The following MACROD2 variants were observed in gnomAD, a reference collection of about 807,000 sequenced individuals.
The protein encoded by MACROD2 is ADP-ribose glycohydrolase MACROD2.
A neutral mutation model predicts 70.4 loss-of-function variants in MACROD2; 36 were observed. The observed-to-expected ratio is 0.51, with a 90% CI of 0.39 to 0.68. The LOEUF (loss-of-function observed/expected upper bound fraction) is 0.68, where lower values mean the gene tolerates loss of function less well. MACROD2 is among the 30% of genes least tolerant of loss of function. The probability of loss-of-function intolerance (pLI) is 0.00; values close to 1 mark genes in which losing one functional copy is unlikely to be tolerated. For synonymous variants in MACROD2, 172 were observed against 178.8 expected, an observed-to-expected ratio of 0.96 and a Z score of 0.30; for missense variants, 496 against 538.4, an observed-to-expected ratio of 0.92 and a Z score of 0.78.
intron 5 of MACROD2, among the ~76,000 whole-genome samples, chr20:15,099,820 A>T (rs949124588): frequency 3.9e-5 from 6 of 152,180 alleles, no homozygotes; most frequent in African/African-American, 1.4e-4. Flanking sequence ...TGCAGAATAC[A>T]TAAATAATCA....
chr20:14,481,845 A>C lies in MACROD2; in HGVS notation c.272-11634A>C, dbSNP rs186866533. 2.1e-4 allele frequency among the ~76,000 whole-genome samples: 32 copies of C among 152,340 alleles called. No individual in the cohort carries two copies. The East Asian group carries it at 6.2e-3, about 29-fold the overall frequency. ...ATTCCCAATTTGCAAGATTATTTGG[A>C]GGATTAAGATATCATAAAGATCAAA... On this transcript the variant is annotated intron_variant, in intron 3 of 17. Coordinates refer to ENST00000684519, the MANE Select transcript of MACROD2 (RefSeq NM_001351661.2).
intron 5 of MACROD2, among the ~76,000 whole-genome samples, chr20:14,910,386 GTGCAAGGAAAACAC>G (rs1369236434): frequency 1.3e-5 from 2 of 152,152 alleles, no homozygotes; most frequent in Non-Finnish European, 2.9e-5. Flanking sequence ...TAATTAATGT[GTGCAAGGAAAACAC>G]TGCAAGGAAA....
At chr20:15,046,347 A>T (rs1345394093) in intron 5 of MACROD2, among the ~76,000 whole-genome samples, 1 of 152,176 alleles carries the variant, frequency 6.6e-6, no homozygotes, top group African/African-American at 2.4e-5. Context: ...GTTTTGCAAA[A>T]AGAATGGTCC....
chr20:14,599,865 G>A (rs1398246693), intron 4 of MACROD2, among the ~76,000 whole-genome samples: 1 of 152,136 alleles, frequency 6.6e-6, no homozygotes, highest in Non-Finnish European at 1.5e-5. Context: ...ATTTCAGGAT[G>A]AGCTGAGGTT....
chr20:14,912,473 T>C (rs1408656710), intron 5 of MACROD2, among the ~76,000 whole-genome samples: 1 of 152,180 alleles, frequency 6.6e-6, no homozygotes, highest in Non-Finnish European at 1.5e-5. Context: ...AAGGAAACTT[T>C]GTCAAGTTTC....
At chr20:14,788,587 A>G (rs900939786) in intron 5 of MACROD2, among the ~76,000 whole-genome samples, 3 of 151,294 alleles carry the variant, frequency 2.0e-5, no homozygotes, top group Non-Finnish European at 4.4e-5. Flanking sequence ...TCTCAAAAAA[A>G]AAAAAAAAAA....
intron 5 of MACROD2, among the ~76,000 whole-genome samples, chr20:15,027,985 C>A (rs999153143): frequency 6.6e-6 from 1 of 152,126 alleles, no homozygotes; most frequent in Non-Finnish European, 1.5e-5. Flanking sequence ...GGAAAATGGA[C>A]CTTAGCTTTA....
At chr20:14,993,495 T>A (rs926802221) in intron 5 of MACROD2, among the ~76,000 whole-genome samples, 3 of 152,236 alleles carry the variant, frequency 2.0e-5, no homozygotes, top group African/African-American at 4.8e-5. Flanking sequence ...TCCAAAAAAA[T>A]TGCCTCACAA....
At chr20:14,141,275 C>T (rs990822529) in intron 3 of MACROD2, among the ~76,000 whole-genome samples, 2 of 152,324 alleles carry the variant, frequency 1.3e-5, no homozygotes. Context: ...AAAATAGGAA[C>T]AGATGGGTAA....
At chr20:15,712,382 G>T (rs1237912009) in intron 8 of MACROD2, among the ~76,000 whole-genome samples, 1 of 152,124 alleles carries the variant, frequency 6.6e-6, no homozygotes, top group Non-Finnish European at 1.5e-5. Context: ...GGAACTTCTG[G>T]CCCAGCTGGT....
chr20:14,988,310 G>A (rs1425407313), intron 5 of MACROD2, among the ~76,000 whole-genome samples: 2 of 136,310 alleles, frequency 1.5e-5, no homozygotes, highest in Admixed American at 7.8e-5. Flanking sequence ...GCTACAGTGA[G>A]TAGAGATTGT....
intron 3 of MACROD2, among the ~76,000 whole-genome samples, chr20:14,434,341 C>G (rs1177640016): frequency 6.6e-6 from 1 of 152,118 alleles, no homozygotes; most frequent in Non-Finnish European, 1.5e-5. Context: ...ATAGTTATGG[C>G]TTTCTACCAT....
At chr20:15,525,425 T>C (rs2047708978) in intron 8 of MACROD2, among the ~76,000 whole-genome samples, 1 of 152,190 alleles carries the variant, frequency 6.6e-6, no homozygotes, top group Admixed American at 6.5e-5. Flanking sequence ...ATGTCCAGTG[T>C]AGGCAAAACA....
intron 8 of MACROD2, among the ~76,000 whole-genome samples, chr20:15,812,924 G>A: frequency 6.6e-6 from 1 of 152,180 alleles, no homozygotes; most frequent in Admixed American, 6.6e-5. Flanking sequence ...ATACAATAGA[G>A]AAATGACATA....
chr20:14,582,872 G>A (rs1338901005), intron 4 of MACROD2, among the ~76,000 whole-genome samples: 1 of 152,144 alleles, frequency 6.6e-6, no homozygotes, highest in East Asian at 1.9e-4. Context: ...GCACACAGGA[G>A]GAGGCACAGC....
chr20:15,499,902 G>GA (rs1260960916), intron 8 of MACROD2, 55 bp downstream of exon 8: 2 of 1,553,750 alleles, frequency 1.3e-6, no homozygotes, highest in African/African-American at 1.4e-5. Flanking sequence ...TTGATGCTCA[G>GA]TTCCCCCCAA....
chr20:15,989,995 T>C (rs6043662), intron 15 of MACROD2, among the ~76,000 whole-genome samples: 16,289 of 152,232 alleles, frequency 0.11, 2,450 homozygotes, highest in African/African-American at 0.34. Flanking sequence ...GTTAGTTCTA[T>C]TAAAATATGG....
At chr20:14,200,367 C>T (rs2081469223) in intron 3 of MACROD2, among the ~76,000 whole-genome samples, 1 of 151,974 alleles carries the variant, frequency 6.6e-6, no homozygotes, top group South Asian at 2.1e-4. Context: ...ACACTGGGGC[C>T]TATCAGAGGG....
At chr20:14,510,271 TA>T in intron 4 of MACROD2, among the ~76,000 whole-genome samples, 1 of 152,172 alleles carries the variant, frequency 6.6e-6, no homozygotes, top group East Asian at 1.9e-4. Context: ...AATAGAAAAC[TA>T]TATTGAAAAG....
Sources: gnomAD v4.1 joint callset for allele counts (sites outside exome capture counted in the v4.1 genomes callset) on GRCh38, gnomAD v4.1.1 for gene constraint, MANE v1.5 for transcripts, NCBI Gene and HGNC (gene_info 2026-07-23, HGNC 2026-07-21) for gene names.